Variants in SERGEF observed in about 807,000 individuals in gnomAD.
SERGEF encodes secretion regulating guanine nucleotide exchange factor, also known as secretion-regulating guanine nucleotide exchange factor.
A neutral mutation model predicts 50.0 loss-of-function variants in SERGEF; 51 were observed. That is an observed-to-expected ratio of 1.02 (90% CI 0.81 to 1.29). SERGEF has a LOEUF of 1.29. Among genes scored for constraint, SERGEF ranks in the 50% most tolerant of loss-of-function variants. SERGEF has a pLI of 0.00. For synonymous variants in SERGEF, 205 were observed against 212.4 expected, an observed-to-expected ratio of 0.97 and a Z score of 0.30; for missense variants, 521 against 557.0, an observed-to-expected ratio of 0.94 and a Z score of 0.65.
At chr11:17,951,583 C>A in intron 9 of SERGEF, among the ~76,000 whole-genome samples, 1 of 152,162 alleles carries the variant, frequency 6.6e-6, no homozygotes, top group South Asian at 2.1e-4. Flanking sequence ...TGAGGCAGAG[C>A]CTGTAAAGGG....
intron 4 of SERGEF, chr11:18,000,768 A>C: frequency 1.5e-6 from 1 of 678,862 alleles, no homozygotes. Flanking sequence ...TCACAATACC[A>C]TATGACAACA....
chr11:17,957,579 C>T (rs146608372), intron 9 of SERGEF, among the ~76,000 whole-genome samples: 2 of 152,296 alleles, frequency 1.3e-5, no homozygotes, highest in African/African-American at 4.8e-5. Flanking sequence ...TTAAATACTG[C>T]ATTCCCTTAT....
rs1851397141 is a variant in SERGEF, at chr11:17,884,705, A to G, written c.1012-6461T>C. On this transcript the variant is annotated intron_variant, in intron 9 of 10. Transcript: ENST00000265965. This position sits in a 1 kb window ranked among gnomAD's most constrained non-coding sequence, Gnocchi z 4.6. ...ACTCTCTCTGTGGGCTTGAATTTGT[A>G]TTTTATTTCATATATATGTGTATAT... Among the ~76,000 whole-genome samples, 1 of 152,076 alleles carries G rather than the reference A, an allele frequency of 6.6e-6. No individual in the cohort carries two copies. Among genetic ancestry groups the G allele is most frequent in the South Asian group, 2.1e-4 (1 of 4,826 alleles).
intron 10 of SERGEF, among the ~76,000 whole-genome samples, chr11:17,860,014 G>C (rs560530547): frequency 6.8e-4 from 104 of 152,326 alleles, no homozygotes; most frequent in African/African-American, 2.5e-3. Context: ...AAATGGTATA[G>C]AGAAGTCATC....
intron 9 of SERGEF, among the ~76,000 whole-genome samples, chr11:17,942,185 T>C (rs1014277036): frequency 6.6e-6 from 1 of 152,188 alleles, no homozygotes; most frequent in African/African-American, 2.4e-5. Context: ...GCTTTAAATC[T>C]ACAAGTCAAC....
intron 10 of SERGEF, among the ~76,000 whole-genome samples, chr11:17,858,285 C>A (rs1850862263): frequency 6.6e-6 from 1 of 152,118 alleles, no homozygotes; most frequent in Non-Finnish European, 1.5e-5. Flanking sequence ...TGACCCAGGG[C>A]AGCCCTGGAC....
chr11:17,816,853 G>A (rs1849983469), intron 10 of SERGEF, among the ~76,000 whole-genome samples: 1 of 152,152 alleles, frequency 6.6e-6, no homozygotes, highest in Admixed American at 6.5e-5. Flanking sequence ...TCAGGTAATG[G>A]GGCTGGAATG....
intron 9 of SERGEF, among the ~76,000 whole-genome samples, chr11:17,933,684 C>T (rs948835010): frequency 3.4e-5 from 5 of 146,344 alleles, no homozygotes; most frequent in Admixed American, 6.8e-5. Flanking sequence ...TATTGAAGAA[C>T]AAACTACTTG....
chr11:17,896,506 T>C (rs1270878659), intron 9 of SERGEF, among the ~76,000 whole-genome samples: 1 of 144,994 alleles, frequency 6.9e-6, no homozygotes, highest in Non-Finnish European at 1.5e-5. Context: ...GGGAAAAAAA[T>C]GAGTGTTTTC....
At chr11:17,928,892 C>A (rs921295369) in intron 9 of SERGEF, among the ~76,000 whole-genome samples, 1 of 152,102 alleles carries the variant, frequency 6.6e-6, no homozygotes, top group Non-Finnish European at 1.5e-5. Context: ...CTACTCTTAC[C>A]AGAATTTCCA....
intron 9 of SERGEF, among the ~76,000 whole-genome samples, chr11:17,910,545 T>C (rs1851932946): frequency 6.6e-6 from 1 of 152,226 alleles, no homozygotes; most frequent in African/African-American, 2.4e-5. Flanking sequence ...TGAGCCATCA[T>C]GTCTGGCCTG....
intron 9 of SERGEF, among the ~76,000 whole-genome samples, chr11:17,906,513 C>T (rs1464088399): frequency 6.6e-6 from 1 of 151,460 alleles, no homozygotes; most frequent in Non-Finnish European, 1.5e-5. Flanking sequence ...CAGCACAGAG[C>T]TAAGTGGGGG....
chr11:17,835,130 T>C (rs1850377052), intron 10 of SERGEF, among the ~76,000 whole-genome samples: 1 of 152,166 alleles, frequency 6.6e-6, no homozygotes, highest in Non-Finnish European at 1.5e-5. Flanking sequence ...AAATACAAAT[T>C]CCTGTTACAG....
chr11:17,964,657 C>T (rs1256142920), intron 8 of SERGEF, among the ~76,000 whole-genome samples: 2 of 152,138 alleles, frequency 1.3e-5, no homozygotes, highest in Non-Finnish European at 2.9e-5. Context: ...CTCTAATATT[C>T]CAGGATGTTA....
intron 10 of SERGEF, among the ~76,000 whole-genome samples, chr11:17,857,798 G>A (rs1214045965): frequency 2.0e-5 from 3 of 152,184 alleles, no homozygotes; most frequent in Non-Finnish European, 4.4e-5. Context: ...GTCAGCTGTG[G>A]CCTACAAAGA....
chr11:17,854,887 A>C (rs1435489475), intron 10 of SERGEF: 1 of 152,220 alleles, frequency 6.6e-6, no homozygotes, highest in Non-Finnish European at 1.5e-5. Context: ...GTCAAGCATC[A>C]GGCACTAAGC....
At chr11:17,809,913 G>T (rs535101078) in intron 10 of SERGEF, among the ~76,000 whole-genome samples, 33 of 152,162 alleles carry the variant, frequency 2.2e-4, no homozygotes, top group Non-Finnish European at 4.3e-4. Context: ...AACATTTGGG[G>T]AGGAACAGAC....
chr11:17,871,055 G>A (rs1851129175), intron 10 of SERGEF, among the ~76,000 whole-genome samples: 1 of 151,870 alleles, frequency 6.6e-6, no homozygotes, highest in Non-Finnish European at 1.5e-5. Context: ...AAATATAAAA[G>A]GCAAAATAAT....
At position 17,991,274 on chromosome 11, in the gene SERGEF, T is replaced by C. The variant is rs767531539; in HGVS notation, c.685+1657A>G. Among the ~76,000 whole-genome samples, 4 of 152,186 alleles carry C rather than the reference T, an allele frequency of 2.6e-5. No homozygotes were observed. The highest frequency in any genetic ancestry group is 6.5e-5 in the Admixed American group (1 of 15,286). On this transcript the variant is annotated intron_variant, in intron 7 of 10. Coordinates refer to ENST00000265965, the MANE Select transcript of SERGEF (RefSeq NM_012139.4). The surrounding 1 kb of genome is among the most constrained non-coding windows in gnomAD (Gnocchi z 4.9). ...TTAATTAAAATATTCAACATTTATATATAAATAACACCATAATAAAAGTGC... is the reference window on the plus strand; with the variant it reads ...TTAATTAAAATATTCAACATTTATACATAAATAACACCATAATAAAAGTGC...
Sources: gnomAD v4.1 joint callset for allele counts (sites outside exome capture counted in the v4.1 genomes callset) on GRCh38, gnomAD v4.1.1 for gene constraint, Gnocchi (gnomAD v3.1) non-coding constraint, MANE v1.5 for transcripts, NCBI Gene and HGNC (gene_info 2026-07-23, HGNC 2026-07-21) for gene names.